ARHGEF3: variants seen among roughly 807,000 people sequenced by gnomAD.
The protein encoded by ARHGEF3 is Rho guanine nucleotide exchange factor 3.
ARHGEF3 carries 28 observed loss-of-function variants against 63.2 expected under a neutral mutation model. The observed-to-expected ratio is 0.44, with a 90% confidence interval of 0.33 to 0.61. The LOEUF is 0.61. Ranked by LOEUF, ARHGEF3 falls within the 20% of genes least tolerant of loss-of-function variation. The pLI is 0.03. For synonymous variants in ARHGEF3, 266 were observed against 254.2 expected, an observed-to-expected ratio of 1.05 and a Z score of -0.44; for missense variants, 533 against 659.3, an observed-to-expected ratio of 0.81 and a Z score of 2.10.
At chr3:56,814,504 GT>G (rs1479520149) in intron 4 of ARHGEF3, among the ~76,000 whole-genome samples, 3 of 152,126 alleles carry the variant, frequency 2.0e-5, no homozygotes, top group Non-Finnish European at 4.4e-5. Context: ...ACAAACATCA[GT>G]TTAAGCATCT....
At chr3:56,730,244 A>C (rs1242035116) in intron 9 of ARHGEF3, among the ~76,000 whole-genome samples, 3 of 152,094 alleles carry the variant, frequency 2.0e-5, no homozygotes, top group Admixed American at 2.0e-4. Context: ...GTATCTATAC[A>C]CTTAGTATCC....
At chr3:56,842,092 G>A (rs2039331072) in intron 4 of ARHGEF3, among the ~76,000 whole-genome samples, 1 of 152,142 alleles carries the variant, frequency 6.6e-6, no homozygotes, top group Non-Finnish European at 1.5e-5. Context: ...AGGCTAAGAA[G>A]GTTAAGTTCT....
chr3:56,940,320 C>T (rs1362831640), intron 3 of ARHGEF3: 1 of 152,186 alleles, frequency 6.6e-6, no homozygotes, highest in East Asian at 1.9e-4. Flanking sequence ...AAAGTAAAAG[C>T]ATATTTTACC....
chr3:56,825,712 T>C (rs1169768522), intron 4 of ARHGEF3, among the ~76,000 whole-genome samples: 2 of 152,244 alleles, frequency 1.3e-5, no homozygotes, highest in African/African-American at 2.4e-5. Context: ...TTGTTTGTGA[T>C]GCTGGCCACC....
intron 3 of ARHGEF3, among the ~76,000 whole-genome samples, chr3:56,951,386 A>G (rs1699806726): frequency 6.6e-6 from 1 of 152,052 alleles, no homozygotes; most frequent in Non-Finnish European, 1.5e-5. Context: ...AGGCAAGATG[A>G]TCATTAGCAT....
At chr3:56,902,542 C>A (rs1337408329) in intron 3 of ARHGEF3, among the ~76,000 whole-genome samples, 1 of 152,170 alleles carries the variant, frequency 6.6e-6, no homozygotes, top group Non-Finnish European at 1.5e-5. Context: ...ATACTTCAGG[C>A]AGGACTAGCT....
chr3:56,824,969 A>G (rs1015377249), intron 4 of ARHGEF3, among the ~76,000 whole-genome samples: 1 of 152,250 alleles, frequency 6.6e-6, no homozygotes, highest in African/African-American at 2.4e-5. Flanking sequence ...TGACAAGGTC[A>G]GGGTGACACA....
intron 4 of ARHGEF3, among the ~76,000 whole-genome samples, chr3:56,850,623 G>A (rs1436417014): frequency 6.6e-6 from 1 of 152,194 alleles, no homozygotes; most frequent in African/African-American, 2.4e-5. Context: ...TCTAAGTTCT[G>A]TTTAACTCAT....
chr3:57,052,173 T>A (rs1206707590), intron 1 of ARHGEF3, among the ~76,000 whole-genome samples: 1 of 152,050 alleles, frequency 6.6e-6, no homozygotes, highest in Non-Finnish European at 1.5e-5. Flanking sequence ...GAGGCACACC[T>A]TGCCCAAGGC....
In ARHGEF3 at chr3:56,822,698, C is replaced by T. The variant is rs116707236; in HGVS notation, c.193-48882G>A. On this transcript the variant is annotated intron_variant, in intron 4 of 12. Coordinates refer to the ARHGEF3 transcript ENST00000338458. ...TGAAACCCCATCTGTACTAGAATTA[C>T]AAAAATTAGCTGGGTGTGGTGGCAG... Among the ~76,000 whole-genome samples, 1,091 of 152,048 alleles carry T rather than the reference C, an allele frequency of 7.2e-3. 15 individuals carry two copies. The highest frequency in any genetic ancestry group is 0.023 in the African/African-American group (937 of 41,464).
At chr3:56,823,914 AAT>A (rs1229333393) in intron 4 of ARHGEF3, among the ~76,000 whole-genome samples, 5 of 151,744 alleles carry the variant, frequency 3.3e-5, no homozygotes, top group African/African-American at 1.2e-4. Flanking sequence ...GGGGAGTAAG[AAT>A]ATGTTAGAGG....
intron 3 of ARHGEF3, among the ~76,000 whole-genome samples, chr3:56,946,095 C>T (rs1462000045): frequency 6.6e-6 from 1 of 152,198 alleles, no homozygotes; most frequent in African/African-American, 2.4e-5. Flanking sequence ...AACTAACAAA[C>T]AGAAAGGACA....
chr3:56,849,003 C>T (rs905584047), intron 4 of ARHGEF3, among the ~76,000 whole-genome samples: 4 of 152,190 alleles, frequency 2.6e-5, no homozygotes, highest in African/African-American at 4.8e-5. Flanking sequence ...GATGTACCAG[C>T]GGCTTTTTAA....
intron 4 of ARHGEF3, among the ~76,000 whole-genome samples, chr3:56,822,526 T>A (rs898904364): frequency 6.6e-6 from 1 of 151,434 alleles, no homozygotes; most frequent in Admixed American, 6.8e-5. Context: ...ATGTGAAATA[T>A]ACATGTGGAA....
chr3:56,818,323 G>A (rs936794915), intron 4 of ARHGEF3, among the ~76,000 whole-genome samples: 1 of 152,204 alleles, frequency 6.6e-6, no homozygotes, highest in Non-Finnish European at 1.5e-5. Context: ...CATGTGGGAG[G>A]TGGCAGGGTG....
intron 2 of ARHGEF3, among the ~76,000 whole-genome samples, chr3:57,005,517 C>T (rs534428845): frequency 1.3e-5 from 2 of 152,120 alleles, no homozygotes; most frequent in South Asian, 2.1e-4. Flanking sequence ...TTTTGTGCAA[C>T]GGGGCAATCT....
chr3:57,055,550 A>G (rs1479826639), intron 1 of ARHGEF3, among the ~76,000 whole-genome samples: 2 of 152,152 alleles, frequency 1.3e-5, no homozygotes, highest in Non-Finnish European at 2.9e-5. Flanking sequence ...TAGAAACTCC[A>G]TTGATTTGCC....
intron 1 of ARHGEF3, chr3:57,079,032 CG>C: frequency 2.9e-6 from 1 of 339,252 alleles, no homozygotes; most frequent in Non-Finnish European, 5.3e-6. Context: ...CAGGGCCCGC[CG>C]GGGACGCCGA....
intron 2 of ARHGEF3, among the ~76,000 whole-genome samples, chr3:56,767,806 G>C (rs2035792164): frequency 6.6e-6 from 1 of 151,584 alleles, no homozygotes; most frequent in South Asian, 2.1e-4. Context: ...GAGTGCAGTG[G>C]CATGATCTCA....
Sources: gnomAD v4.1 joint callset for allele counts (sites outside exome capture counted in the v4.1 genomes callset) on GRCh38, gnomAD v4.1.1 for gene constraint, MANE v1.5 for transcripts, NCBI Gene and HGNC (gene_info 2026-07-23, HGNC 2026-07-21) for gene names.